Variants in GREB1 observed in about 807,000 individuals in gnomAD.
GREB1 encodes the protein growth regulating estrogen receptor binding 1, also known as protein GREB1.
In GREB1, 106 loss-of-function variants were observed where a neutral mutation model predicts 200.7. The ratio of observed to expected loss-of-function variants is 0.53; its 90% CI spans 0.45 to 0.62. GREB1 has a LOEUF of 0.62. Ranked by LOEUF, GREB1 falls within the 20% of genes least tolerant of loss-of-function variation. The probability of loss-of-function intolerance (pLI) is 0.00; values close to 1 mark genes in which losing one functional copy is unlikely to be tolerated. For synonymous variants in GREB1, 1,132 were observed against 1,092.4 expected, an observed-to-expected ratio of 1.04 and a Z score of -0.72; for missense variants, 2,243 against 2,556.8, an observed-to-expected ratio of 0.88 and a Z score of 2.65.
chr2:11,596,147 A>G lies in GREB1; in HGVS notation c.1862A>G (p.Gln621Arg), dbSNP rs1369425298. ...GACATTTTGCTGGACAAATTTCACC[A>G]GGAAAATCAAGGCCATATTTCTTCC... ...DIDILLDKFHQENQGHISSSL... is the reference protein window; with the variant it reads ...DIDILLDKFHRENQGHISSSL... Residue 621 changes from glutamine to arginine, a missense_variant, in exon 13 of 33, where the codon CAG becomes CGG. By Grantham distance (43) the Gln-to-Arg change is conservative. Transcript: ENST00000381486. The G allele has an allele frequency of 1.9e-6, 3 of 1,613,724 alleles. No individual in the cohort carries two copies. Among genetic ancestry groups the G allele is most frequent in the Non-Finnish European group, 2.5e-6 (3 of 1,179,630 alleles).
chr2:11,538,949 G>GTCCCCTCCCCTCCCCTCCTCTCCCC (rs1339788155), intron 1 of GREB1, among the ~76,000 whole-genome samples: 1 of 9,754 alleles, frequency 1.0e-4, no homozygotes, highest in Admixed American at 1.5e-3. Flanking sequence ...CTCCCCTCGT[G>GTCCCCTCCCCTCCCCTCCTCTCCCC]TCCCCTCCCC....
rs1304972438 is a variant in GREB1 at position 11,610,733 on chromosome 2, G to T, written c.2712G>T (p.Val904=). Residue 904 remains valine, a synonymous_variant, in exon 18 of 33, where the codon GTG becomes GTT. Coordinates refer to ENST00000381486, the MANE Select transcript of GREB1 (RefSeq NM_014668.4). The part of the protein sequence containing the change: ...HSAVIRTFVL[V]QHYAAALMAV... ...CGGTGATCAGGACCTTTGTTCTCGTGCAGCACTACGCGGCCGCCCTGATGG... is the reference window on the plus strand; with the variant it reads ...CGGTGATCAGGACCTTTGTTCTCGTTCAGCACTACGCGGCCGCCCTGATGG... The T allele has an allele frequency of 1.2e-6, 2 of 1,613,334 alleles. No homozygotes were observed. Among genetic ancestry groups the T allele is most frequent in the African/African-American group, 1.3e-5 (1 of 74,952 alleles).
At position 11,592,976 on chromosome 2, in the gene GREB1, G is replaced by A. The variant is rs767440302; in HGVS notation, c.1546G>A (p.Val516Met). ...GGCCGCCAGCTCCTGCAACGACAGC[G>A]TGCACGTCATCGAGTGTGCTTACTC... is the stretch of plus-strand genomic sequence containing the variant. ...SLAASSCNDS[V>M]HVIECAYSLA... The change falls in exon 11 of 33, where the codon GTG becomes ATG. Residue 516 changes from valine to methionine, a missense_variant. By Grantham distance (21) the Val-to-Met change is conservative. This residue lies in a region of GREB1 where 1,178 missense variants were observed against 1,387.4 expected (regional missense o/e 0.85). Transcript: ENST00000381486. 5 of 1,604,104 alleles carry A rather than the reference G, an allele frequency of 3.1e-6. No individual in the cohort carries two copies. The highest frequency in any genetic ancestry group is 3.4e-6 in the Non-Finnish European group (4 of 1,175,196).
intron 15 of GREB1, among the ~76,000 whole-genome samples, chr2:11,600,458 C>T (rs569949572): frequency 6.6e-6 from 1 of 152,134 alleles, no homozygotes; most frequent in Non-Finnish European, 1.5e-5. Flanking sequence ...GATAAGTACA[C>T]AATCAGATGG....
chr2:11,601,672 G>A (rs893485871), intron 16 of GREB1, among the ~76,000 whole-genome samples: 1 of 152,204 alleles, frequency 6.6e-6, no homozygotes, highest in Non-Finnish European at 1.5e-5. Flanking sequence ...TCCATGGTGG[G>A]GATAGCCATT....
chr2:11,486,051 T>C (rs907121285), intron 1 of GREB1, among the ~76,000 whole-genome samples: 1 of 152,186 alleles, frequency 6.6e-6, no homozygotes, highest in African/African-American at 2.4e-5. Context: ...ATCTCACCTT[T>C]CTCCTTTTAG....
intron 1 of GREB1, among the ~76,000 whole-genome samples, chr2:11,508,212 C>G (rs1306931376): frequency 6.6e-6 from 1 of 152,204 alleles, no homozygotes; most frequent in Non-Finnish European, 1.5e-5. Flanking sequence ...GGCCTGCACC[C>G]TGGTCCAATT....
chr2:11,607,595 T>TATATATAC (rs1682500197), intron 17 of GREB1, among the ~76,000 whole-genome samples: 1 of 136,478 alleles, frequency 7.3e-6, no homozygotes, highest in African/African-American at 3.0e-5. Context: ...CATATATACA[T>TATATATAC]ATATATACAT....
rs770964844 is a variant in GREB1 at position 11,500,475 on chromosome 2, TTG to T, written c.-159+18095_-159+18096del. On this transcript the variant is annotated intron_variant, in intron 1 of 2. Transcript: ENST00000628795. ...TGCCTGGCCATTTTTTTTTTTTTTT[TTG>T]ATTTTTAATAGAGACAGGGTTTCAC... Among the ~76,000 whole-genome samples, 457 of 100,996 alleles carry T rather than the reference TTG, an allele frequency of 4.5e-3. 1 individual carries two copies. The highest frequency in any genetic ancestry group is 6.4e-3 in the Non-Finnish European group (290 of 45,570). The allele number at this position is 100,996 out of a possible 152,430, so 66.3% of individuals were successfully genotyped here.
intron 1 of GREB1, among the ~76,000 whole-genome samples, chr2:11,490,463 T>C (rs1672752766): frequency 6.6e-6 from 1 of 152,232 alleles, no homozygotes; most frequent in African/African-American, 2.4e-5. Context: ...ATCAGACTGA[T>C]GGATGTTTGG....
At chr2:11,588,081 CCGG>C (rs1680348353) in intron 9 of GREB1, 1 of 503,036 alleles carries the variant, frequency 2.0e-6, no homozygotes, top group African/African-American at 2.1e-5. Flanking sequence ...CAAAAATTGG[CCGG>C]GTGTGGTGGT....
At chr2:11,569,254 T>C (rs940844054) in intron 4 of GREB1, among the ~76,000 whole-genome samples, 3 of 152,196 alleles carry the variant, frequency 2.0e-5, no homozygotes, top group African/African-American at 7.2e-5. Flanking sequence ...TCATTCAGCA[T>C]GCAAAGAATT....
At chr2:11,615,331 A>G (rs765412839) in intron 20 of GREB1, 41 bp downstream of exon 20, 8 of 1,502,296 alleles carry the variant, frequency 5.3e-6, no homozygotes, top group Non-Finnish European at 9.1e-7. Flanking sequence ...CCCTGTCTGC[A>G]TGTCTTTCTT....
At chr2:11,582,580 G>A (rs970781629) in intron 7 of GREB1, among the ~76,000 whole-genome samples, 20 of 152,200 alleles carry the variant, frequency 1.3e-4, no homozygotes, top group Non-Finnish European at 2.5e-4. Flanking sequence ...GCTCCCAGCC[G>A]TCCCAGGCTC....
intron 1 of GREB1, among the ~76,000 whole-genome samples, chr2:11,501,359 C>T (rs1012794224): frequency 6.6e-6 from 1 of 152,168 alleles, no homozygotes; most frequent in Non-Finnish European, 1.5e-5. Context: ...TGCTGCAGAT[C>T]TCCGAGTTAC....
rs1673093921 is a variant in GREB1 at position 11,503,178 on chromosome 2, A to G, written c.-159+20797A>G. On this transcript the variant is annotated intron_variant, in intron 1 of 2. Coordinates refer to the GREB1 transcript ENST00000628795. Reference sequence around the variant, plus strand: ...CAGTAAAAAGAAAGAAACGTTCCTGATGAGGGGAAGTCCCCTTTTCTCCTC... The same window carrying G: ...CAGTAAAAAGAAAGAAACGTTCCTGGTGAGGGGAAGTCCCCTTTTCTCCTC... Among the ~76,000 whole-genome samples, 5 of 152,166 alleles carry G rather than the reference A, an allele frequency of 3.3e-5. No homozygotes were observed. The South Asian group carries it at 1.0e-3, about 32-fold the overall frequency.
In GREB1 at chr2:11,538,794, TCC is replaced by T. The variant is rs760858770; in HGVS notation, c.-162+4542_-162+4543del. Among the ~76,000 whole-genome samples, 21 of 26,076 alleles carry T rather than the reference TCC, an allele frequency of 8.1e-4. 3 individuals carry two copies. Among genetic ancestry groups the T allele is most frequent in the African/African-American group, 1.3e-3 (16 of 12,500 alleles). 17.1% of individuals were successfully genotyped at this position (26,076 alleles called of 152,430 possible). On this transcript the variant is annotated intron_variant, in intron 1 of 32. Transcript: ENST00000381486. ...TTCCTTCCCGTCTTCCTTCCTTCCT[TCC>T]CTTCTTTACTTCCTTCCTTCCTCCC...
chr2:11,641,639 C>A lies in GREB1; in HGVS notation c.*1185C>A, dbSNP rs2148471771. 1 of 152,242 alleles carries A rather than the reference C, an allele frequency of 6.6e-6. No individual in the cohort carries two copies. Among genetic ancestry groups the A allele is most frequent in the Non-Finnish European group, 1.5e-5 (1 of 68,034 alleles). 9.4% of individuals were successfully genotyped at this position (152,242 alleles called of 1,614,324 possible). Reference sequence around the variant, plus strand: ...TAGCTGGGACTACAGGCGCCCACCACCACGCCCGGCTAATTTTTTGTATTT... The same window carrying A: ...TAGCTGGGACTACAGGCGCCCACCAACACGCCCGGCTAATTTTTTGTATTT... On this transcript the variant is annotated 3_prime_UTR_variant, in exon 33 of 33. Coordinates refer to ENST00000381486, the MANE Select transcript of GREB1 (RefSeq NM_014668.4).
intron 1 of GREB1, among the ~76,000 whole-genome samples, chr2:11,547,482 C>A (rs974289878): frequency 3.3e-5 from 5 of 152,178 alleles, no homozygotes; most frequent in African/African-American, 1.2e-4. Flanking sequence ...TATTGGTCTG[C>A]AGTCTACCAT....
Sources: gnomAD v4.1 joint callset for allele counts (sites outside exome capture counted in the v4.1 genomes callset) on GRCh38, gnomAD v4.1.1 for gene constraint, gnomAD v4.1.1 regional missense constraint, MANE v1.5 for transcripts, NCBI Gene and HGNC (gene_info 2026-07-23, HGNC 2026-07-21) for gene names.